The following ENOX2 variants were observed in gnomAD, a reference collection of about 807,000 sequenced individuals.
ENOX2 encodes the protein ecto-NOX disulfide-thiol exchanger 2.
ENOX2 carries 36 observed loss-of-function variants against 45.0 expected under a neutral mutation model. That is an observed-to-expected ratio of 0.80 (90% CI 0.61 to 1.06). The LOEUF (loss-of-function observed/expected upper bound fraction) is 1.06, where lower values mean the gene tolerates loss of function less well. Among genes scored for constraint, ENOX2 ranks in the 50% least tolerant of loss-of-function variants. ENOX2 has a pLI of 0.00. For missense variants in ENOX2, 423 were observed against 462.5 expected, an observed-to-expected ratio of 0.91 and a Z score of 0.78; for synonymous variants, 174 against 152.3, an observed-to-expected ratio of 1.14 and a Z score of -1.05.
intron 2 of ENOX2, among the ~76,000 whole-genome samples, chrX:130,832,467 A>ACC (rs1378068961): frequency 9.4e-6 from 1 of 106,824 alleles, no homozygotes; most frequent in African/African-American, 3.5e-5. Flanking sequence ...ACACACACAC[A>ACC]CACCCCACTT....
chrX:130,703,852 G>A (rs754647884), intron 3 of ENOX2, among the ~76,000 whole-genome samples: 17 of 111,088 alleles, frequency 1.5e-4, no homozygotes, highest in Admixed American at 3.8e-4. Flanking sequence ...CACAGTCCCT[G>A]CCCTCAAAGG....
At chrX:130,864,296 T>C (rs1254306085) in intron 2 of ENOX2, among the ~76,000 whole-genome samples, 2 of 110,854 alleles carry the variant, frequency 1.8e-5, no homozygotes, top group Admixed American at 9.6e-5. Flanking sequence ...GTTAGCCCTA[T>C]GGAGAAGCCC....
At chrX:130,699,928 A>G (rs948766837) in intron 4 of ENOX2, among the ~76,000 whole-genome samples, 1 of 112,423 alleles carries the variant, frequency 8.9e-6, no homozygotes, top group African/African-American at 3.2e-5. Context: ...TGAAACACTA[A>G]TAACAATAGC....
chrX:130,893,865 C>G (rs915762031), intron 2 of ENOX2, among the ~76,000 whole-genome samples: 2 of 111,911 alleles, frequency 1.8e-5, no homozygotes, highest in African/African-American at 6.5e-5. Context: ...ATCCCAAGGG[C>G]AGCTGACCAG....
At chrX:130,762,751 T>C (rs947239309) in intron 3 of ENOX2, among the ~76,000 whole-genome samples, 1 of 112,178 alleles carries the variant, frequency 8.9e-6, no homozygotes, top group Non-Finnish European at 1.9e-5. Flanking sequence ...TAATAATTTT[T>C]TGAGGTTTGT....
chrX:130,771,511 T>C, intron 3 of ENOX2, among the ~76,000 whole-genome samples: 1 of 111,650 alleles, frequency 9.0e-6, no homozygotes, highest in Non-Finnish European at 1.9e-5. Flanking sequence ...CCACAACTCT[T>C]CAAGCCCTAT....
chrX:130,793,503 A>G (rs1181139595), intron 2 of ENOX2, among the ~76,000 whole-genome samples: 1 of 112,005 alleles, frequency 8.9e-6, no homozygotes, highest in African/African-American at 3.2e-5. Flanking sequence ...TCCCCTAACA[A>G]TGGAAATGTC....
chrX:130,805,400 T>C (rs185423545), intron 2 of ENOX2, among the ~76,000 whole-genome samples: 133 of 112,252 alleles, frequency 1.2e-3, no homozygotes, highest in African/African-American at 3.7e-3. Context: ...AATAAATTCC[T>C]AGGGAAAATG....
intron 6 of ENOX2, among the ~76,000 whole-genome samples, chrX:130,672,813 G>A (rs1201349270): frequency 9.0e-6 from 1 of 111,396 alleles, no homozygotes; most frequent in East Asian, 2.8e-4. Flanking sequence ...AAGAGACCTC[G>A]GCACATTTCT....
intron 1 of ENOX2, among the ~76,000 whole-genome samples, chrX:130,902,068 G>T (rs1015469541): frequency 1.8e-5 from 2 of 111,327 alleles, no homozygotes; most frequent in African/African-American, 6.5e-5. Flanking sequence ...CCTGAAAGCC[G>T]GATGAGGGCT....
At chrX:130,761,419 G>C (rs1158711368) in intron 3 of ENOX2, among the ~76,000 whole-genome samples, 2 of 111,659 alleles carry the variant, frequency 1.8e-5, no homozygotes, top group Non-Finnish European at 3.8e-5. Flanking sequence ...TCGAGGAAGT[G>C]GTTCATTTCA....
At position 130,903,124 on chromosome X, in the gene ENOX2, C is replaced by T. The variant is rs757025787; in HGVS notation, c.-306G>A. The T allele has an allele frequency of 1.5e-3, 172 of 112,844 alleles. No homozygotes were observed. Among genetic ancestry groups the T allele is most frequent in the African/African-American group, 4.9e-3 (152 of 31,027 alleles). 9.3% of individuals were successfully genotyped at this position (112,844 alleles called of 1,213,427 possible). A position where few individuals can be genotyped will look rare whatever the true frequency, so the allele number is the denominator to read the frequency against. On this transcript the variant is annotated 5_prime_UTR_variant, in exon 1 of 15. Coordinates refer to ENST00000394363, the MANE Select transcript of ENOX2 (RefSeq NM_006375.4). ...TCGGGCCGGCGCGGCAGTTCCTGGG[C>T]TCGTAGTGCCCTCGCGGCGCCCCAC...
chrX:130,624,364 T>C lies in ENOX2; in HGVS notation c.*950A>G, dbSNP rs1393758705. 8.9e-6 allele frequency: 1 copy of C among 112,709 alleles called. No individual in the cohort carries two copies. The highest frequency in any genetic ancestry group is 2.8e-4 in the East Asian group (1 of 3,611). 9.3% of individuals were successfully genotyped at this position (112,709 alleles called of 1,213,427 possible). On this transcript the variant is annotated 3_prime_UTR_variant, in exon 15 of 15. Coordinates refer to ENST00000394363, the MANE Select transcript of ENOX2 (RefSeq NM_006375.4). ...GCAAACATTCAGCATGAAGTAAACA[T>C]AGTATTTACAGCAGTACTCGGTTTG...
chrX:130,649,193 A>G (rs376427619), intron 10 of ENOX2, among the ~76,000 whole-genome samples: 2 of 109,118 alleles, frequency 1.8e-5, no homozygotes. Context: ...TACCAGATGC[A>G]AATACTCAAT....
At chrX:130,631,871 C>T (rs1486158788) in intron 12 of ENOX2, among the ~76,000 whole-genome samples, 1 of 102,620 alleles carries the variant, frequency 9.7e-6, no homozygotes, top group Non-Finnish European at 2.0e-5. Context: ...CTAGACCCAA[C>T]ATTTATGGTA....
chrX:130,717,539 TG>T (rs1232864875), intron 3 of ENOX2, among the ~76,000 whole-genome samples: 1 of 112,162 alleles, frequency 8.9e-6, no homozygotes, highest in Non-Finnish European at 1.9e-5. Context: ...CATATGTCAC[TG>T]GGAGACACTG....
chrX:130,635,320 G>A lies in ENOX2; in HGVS notation c.1312-229C>T, dbSNP rs766713987. ...TGTTAATATTTTAGAAAGGTCCTGA[G>A]AAACTAATTGATCCAGTCACTTAAC... On this transcript the variant is annotated intron_variant, in intron 11 of 14. Transcript: ENST00000394363. 8.9e-5 allele frequency among the ~76,000 whole-genome samples: 10 copies of A among 112,148 alleles called. 1 individual carries two copies. In the South Asian group the frequency reaches 3.7e-3, roughly 42 times the overall value.
chrX:130,693,927 C>A (rs1267553701), intron 4 of ENOX2, among the ~76,000 whole-genome samples: 1 of 111,756 alleles, frequency 8.9e-6, no homozygotes, highest in African/African-American at 3.3e-5. Flanking sequence ...GCTAGAGAGA[C>A]CATGTGGAGA....
At chrX:130,689,881 GAATC>G (rs1201181918) in intron 4 of ENOX2, among the ~76,000 whole-genome samples, 2 of 111,317 alleles carry the variant, frequency 1.8e-5, no homozygotes, top group African/African-American at 3.3e-5. Flanking sequence ...GTTTCACTGC[GAATC>G]AGTACTGGCA....
Sources: gnomAD v4.1 joint callset for allele counts (sites outside exome capture counted in the v4.1 genomes callset) on GRCh38, gnomAD v4.1.1 for gene constraint, MANE v1.5 for transcripts, NCBI Gene and HGNC (gene_info 2026-07-23, HGNC 2026-07-21) for gene names.